Variants in CNTN6 observed in about 807,000 individuals in gnomAD.
The protein encoded by CNTN6 is contactin-6.
A neutral mutation model predicts 122.8 loss-of-function variants in CNTN6; 137 were observed. The ratio of observed to expected loss-of-function variants is 1.12; its 90% CI spans 0.97 to 1.29. The LOEUF (loss-of-function observed/expected upper bound fraction) is 1.29. Among genes scored for constraint, CNTN6 ranks in the 50% most tolerant of loss-of-function variants. The pLI, the probability that CNTN6 is intolerant of heterozygous loss-of-function variation, is 0.00. For missense variants in CNTN6, 1,634 were observed against 1,223.4 expected (o/e 1.34, Z -5.01); for synonymous variants, 570 against 426.0 (o/e 1.34, Z -4.16).
intron 12 of CNTN6, among the ~76,000 whole-genome samples, chr3:1,364,670 G>A (rs1318287030): frequency 6.6e-6 from 1 of 151,912 alleles, no homozygotes; most frequent in Non-Finnish European, 1.5e-5. Context: ...CCATTTTTAA[G>A]TGTTTAAAGA....
rs995245480 is a variant in CNTN6, at chr3:1,202,464, C to G, written c.56-18223C>G. On this transcript the variant is annotated intron_variant, in intron 2 of 22. Coordinates refer to ENST00000446702, the MANE Select transcript of CNTN6 (RefSeq NM_001289080.2). ...CTGAGGCGGGAGAATGGCGGGAACC[C>G]CGGGGGGCGGAGCTTGCAGTGAGCC... 1.2e-3 allele frequency among the ~76,000 whole-genome samples: 181 copies of G among 152,164 alleles called. 1 individual carries two copies. The highest frequency in any genetic ancestry group is 3.7e-3 in the African/African-American group (153 of 41,498).
At chr3:1,272,843 G>A (rs2095048789) in intron 4 of CNTN6, among the ~76,000 whole-genome samples, 3 of 152,142 alleles carry the variant, frequency 2.0e-5, no homozygotes, top group Non-Finnish European at 2.9e-5. Context: ...ATTCCTACAC[G>A]TGGCAGCTGC....
rs73819716 is a variant in CNTN6, at chr3:1,353,077, C to T, written c.1492+626C>T. 8.1e-3 allele frequency among the ~76,000 whole-genome samples: 1,224 copies of T among 151,756 alleles called. 14 individuals are homozygous for T. Among genetic ancestry groups the T allele is most frequent in the African/African-American group, 0.027 (1,117 of 41,482 alleles). On this transcript the variant is annotated intron_variant, in intron 12 of 22. Transcript: ENST00000446702. ...TCAATCCAAATGTTCCTACATTTAT[C>T]ACCAAGGACATAATTAATATTAGAA...
intron 2 of CNTN6, among the ~76,000 whole-genome samples, chr3:1,181,793 T>G (rs1365742362): frequency 6.6e-6 from 1 of 152,148 alleles, no homozygotes; most frequent in African/African-American, 2.4e-5. Context: ...CATTTTATTC[T>G]GCTCAGTCAG....
intron 4 of CNTN6, among the ~76,000 whole-genome samples, chr3:1,241,261 G>A (rs1226446636): frequency 1.3e-5 from 2 of 151,850 alleles, no homozygotes; most frequent in African/African-American, 4.8e-5. Context: ...ATATTAATAA[G>A]ACAAATAAAA....
intron 4 of CNTN6, among the ~76,000 whole-genome samples, chr3:1,262,537 T>C (rs1169560343): frequency 1.3e-5 from 2 of 152,174 alleles, no homozygotes; most frequent in Non-Finnish European, 2.9e-5. Flanking sequence ...TAGTTTATAC[T>C]ACTTTAAGTG....
At chr3:1,267,001 C>G (rs1425840792) in intron 4 of CNTN6, among the ~76,000 whole-genome samples, 1 of 136,348 alleles carries the variant, frequency 7.3e-6, no homozygotes, top group Non-Finnish European at 1.5e-5. Flanking sequence ...CTGTAACCTG[C>G]GACCCCCAGG....
chr3:1,284,572 A>C (rs1047722944), intron 5 of CNTN6, among the ~76,000 whole-genome samples: 7 of 152,138 alleles, frequency 4.6e-5, no homozygotes, highest in African/African-American at 1.7e-4. Flanking sequence ...ACTAAGTGCC[A>C]CTCGTTTTTC....
intron 2 of CNTN6, among the ~76,000 whole-genome samples, chr3:1,180,239 G>A (rs2093529685): frequency 2.0e-5 from 3 of 152,144 alleles, no homozygotes; most frequent in Admixed American, 2.0e-4. Flanking sequence ...GTGAGAGAAA[G>A]ATACATAAAG....
chr3:1,272,897 G>A (rs557969442), intron 4 of CNTN6, among the ~76,000 whole-genome samples: 1 of 152,108 alleles, frequency 6.6e-6, no homozygotes, highest in Non-Finnish European at 1.5e-5. Context: ...TACTTGTATT[G>A]CCTGAACCTT....
chr3:1,325,155 T>A (rs1216049924), intron 8 of CNTN6, among the ~76,000 whole-genome samples: 1 of 151,824 alleles, frequency 6.6e-6, no homozygotes, highest in African/African-American at 2.4e-5. Flanking sequence ...ATTATGCCAG[T>A]TTCTTGTTGT....
At chr3:1,254,430 G>C (rs532162060) in intron 4 of CNTN6, among the ~76,000 whole-genome samples, 1 of 152,082 alleles carries the variant, frequency 6.6e-6, no homozygotes, top group South Asian at 2.1e-4. Flanking sequence ...AGTTTACTTC[G>C]TTTCAACGAA....
intron 2 of CNTN6, among the ~76,000 whole-genome samples, chr3:1,154,193 A>T (rs929600398): frequency 6.6e-5 from 10 of 152,294 alleles, no homozygotes; most frequent in Admixed American, 1.3e-4. Flanking sequence ...TGTAGGAAAA[A>T]AAATTATGTT....
intron 11 of CNTN6, among the ~76,000 whole-genome samples, chr3:1,350,806 T>C (rs1045485994): frequency 5.9e-5 from 9 of 151,898 alleles, no homozygotes; most frequent in Non-Finnish European, 1.2e-4. Flanking sequence ...TCAATATTCC[T>C]AGTTATTCCT....
chr3:1,253,059 A>G (rs776262930), intron 4 of CNTN6, among the ~76,000 whole-genome samples: 1 of 152,164 alleles, frequency 6.6e-6, no homozygotes, highest in Non-Finnish European at 1.5e-5. Context: ...TGCGTGTTCT[A>G]ATCTAGTTAA....
intron 7 of CNTN6, among the ~76,000 whole-genome samples, chr3:1,302,671 C>A (rs34187232): frequency 0.034 from 5,124 of 152,132 alleles, 320 homozygotes; most frequent in African/African-American, 0.12. Context: ...CATACATGTG[C>A]TCACATAACT....
Position 1,295,608 on chromosome 3 carries a change from T to G in CNTN6, c.462T>G (p.Ser154=), listed in dbSNP as rs748097084. 7 of 1,612,832 alleles carry G rather than the reference T, an allele frequency of 4.3e-6. No homozygotes were observed. The South Asian group carries it at 5.5e-5, about 13-fold the overall frequency. ...TTGTTTCTTGTTTTTCAGATTTATC[T>G]TATGCATGGACCTTCAATGATAACC... is the stretch of plus-strand genomic sequence containing the variant. ...CGPPPHFGDL[S]YAWTFNDNPL... The change falls in exon 6 of 23, where the codon TCT becomes TCG. Residue 154 remains serine, a synonymous_variant. Coordinates refer to ENST00000446702, the MANE Select transcript of CNTN6 (RefSeq NM_001289080.2).
intron 20 of CNTN6, among the ~76,000 whole-genome samples, chr3:1,399,039 T>G (rs1476146204): frequency 6.6e-6 from 1 of 152,142 alleles, no homozygotes; most frequent in Non-Finnish European, 1.5e-5. Flanking sequence ...GTTGATTTTT[T>G]CAATGGATTT....
intron 5 of CNTN6, among the ~76,000 whole-genome samples, chr3:1,279,386 T>TAC: frequency 6.6e-6 from 1 of 152,226 alleles, no homozygotes; most frequent in African/African-American, 2.4e-5. Flanking sequence ...TCACACTATA[T>TAC]TATAGAAAGC....
Sources: allele counts gnomAD v4.1 joint callset (sites outside exome capture counted in the v4.1 genomes callset), GRCh38; gene constraint gnomAD v4.1.1; transcripts MANE v1.5; gene names NCBI Gene and HGNC (gene_info 2026-07-23, HGNC 2026-07-21).